The following TMPRSS11F variants were observed in gnomAD, a reference collection of about 807,000 sequenced individuals.
TMPRSS11F encodes the protein transmembrane serine protease 11F.
Under a neutral mutation model 60.2 loss-of-function variants are expected in TMPRSS11F, and 47 were observed. The observed-to-expected ratio is 0.78, with a 90% CI of 0.62 to 1.00. The LOEUF is 1.00. TMPRSS11F is among the 50% of genes least tolerant of loss of function. The probability of loss-of-function intolerance (pLI) is 0.00; values close to 1 mark genes in which losing one functional copy is unlikely to be tolerated. For missense variants in TMPRSS11F, 519 were observed against 522.9 expected (o/e 0.99, Z 0.07); for synonymous variants, 166 against 167.3 (o/e 0.99, Z 0.06).
chr4:68,125,664 C>T (rs1490857501), intron 1 of TMPRSS11F, among the ~76,000 whole-genome samples: 1 of 152,112 alleles, frequency 6.6e-6, no homozygotes, highest in Non-Finnish European at 1.5e-5. Context: ...TCATTCACTA[C>T]CCTAACACAC....
chr4:68,083,799 C>T (rs1037130123), intron 3 of TMPRSS11F, among the ~76,000 whole-genome samples: 2 of 152,160 alleles, frequency 1.3e-5, no homozygotes, highest in Admixed American at 1.3e-4. Flanking sequence ...TGCAAACAAT[C>T]ACCCTACCTC....
chr4:68,062,518 A>G (rs775881917), intron 8 of TMPRSS11F: 1 of 734,850 alleles, frequency 1.4e-6, no homozygotes, highest in South Asian at 1.4e-5. Context: ...GCTGCATTGG[A>G]TGGTAACTGT....
intron 2 of TMPRSS11F, among the ~76,000 whole-genome samples, chr4:68,092,721 CAA>C (rs139902418): frequency 0.38 from 57,778 of 151,502 alleles, 12,787 homozygotes; most frequent in Non-Finnish European, 0.52. Flanking sequence ...AGTTTTATTA[CAA>C]AAAAAAGATT....
chr4:68,109,289 T>G (rs1297945370), intron 1 of TMPRSS11F, among the ~76,000 whole-genome samples: 1 of 152,034 alleles, frequency 6.6e-6, no homozygotes, highest in Non-Finnish European at 1.5e-5. Context: ...CGGCCGGTAC[T>G]CCAGTAACAG....
intron 2 of TMPRSS11F, 133 bp downstream of exon 2, chr4:68,098,754 T>A (rs557093096): frequency 4.8e-6 from 4 of 833,262 alleles, no homozygotes; most frequent in Non-Finnish European, 7.2e-6. Context: ...AAGCAAACTA[T>A]AATTTAACAT....
At chr4:68,116,949 T>C (rs1724532120) in intron 1 of TMPRSS11F, among the ~76,000 whole-genome samples, 1 of 152,100 alleles carries the variant, frequency 6.6e-6, no homozygotes, top group African/African-American at 2.4e-5. Flanking sequence ...TTATTGGATA[T>C]GACATGACAC....
intron 3 of TMPRSS11F, among the ~76,000 whole-genome samples, chr4:68,088,470 A>G (rs1285854083): frequency 2.6e-5 from 4 of 151,530 alleles, no homozygotes; most frequent in African/African-American, 7.3e-5. Context: ...CACTGTCAAC[A>G]TTAGACAGAT....
chr4:68,064,609 G>C (rs1723281243), intron 8 of TMPRSS11F, 76 bp downstream of exon 8: 1 of 1,478,930 alleles, frequency 6.8e-7, no homozygotes, highest in South Asian at 1.3e-5. Context: ...AAGCTTAAGA[G>C]GGATTCTTTA....
chr4:68,124,040 G>A (rs4421039), intron 1 of TMPRSS11F, among the ~76,000 whole-genome samples: 248 of 152,084 alleles, frequency 1.6e-3, no homozygotes, highest in Middle Eastern at 3.4e-3. Flanking sequence ...GGCCAATATG[G>A]CGAAACCCCA....
chr4:68,109,851 T>C (rs1323131571), intron 1 of TMPRSS11F, among the ~76,000 whole-genome samples: 1 of 152,164 alleles, frequency 6.6e-6, no homozygotes, highest in Non-Finnish European at 1.5e-5. Context: ...GTTGGTGAAG[T>C]GAATTCATGA....
At chr4:68,093,468 C>A (rs2109867098) in intron 2 of TMPRSS11F, among the ~76,000 whole-genome samples, 1 of 152,266 alleles carries the variant, frequency 6.6e-6, no homozygotes, top group East Asian at 1.9e-4. Flanking sequence ...TAGCCATTAT[C>A]ATTCAGGACA....
At chr4:68,067,764 G>A (rs1421808644) in intron 7 of TMPRSS11F, among the ~76,000 whole-genome samples, 1 of 152,186 alleles carries the variant, frequency 6.6e-6, no homozygotes, top group Non-Finnish European at 1.5e-5. Flanking sequence ...ACCCTTAGAA[G>A]GATGATAAAG....
At chr4:68,116,894 G>T (rs1373935731) in intron 1 of TMPRSS11F, among the ~76,000 whole-genome samples, 3 of 152,034 alleles carry the variant, frequency 2.0e-5, no homozygotes, top group Non-Finnish European at 4.4e-5. Flanking sequence ...ACTCTTAGAA[G>T]AAAACATAGG....
chr4:68,098,767 G>C, intron 2 of TMPRSS11F, 120 bp downstream of exon 2: 1 of 951,388 alleles, frequency 1.1e-6, no homozygotes. Flanking sequence ...TTTAACATCA[G>C]TAAAAGACTG....
chr4:68,098,914 C>A lies in TMPRSS11F; in HGVS notation c.136G>T (p.Gly46Cys). The change falls in exon 2 of 10, where the codon GGT (glycine) becomes TGT (cysteine). Residue 46 changes from glycine to cysteine, a missense_variant. Transcript: ENST00000356291. ...TCAACAACAAAATGAGTAACAATAC[C>A]AATTGCAATTCCTATGATTGCTACA... ...AIVAIIGIAIGIVTHFVVEDD... is the reference protein window; with the variant it reads ...AIVAIIGIAICIVTHFVVEDD... The A allele has an allele frequency of 6.2e-7, 1 of 1,611,730 alleles. No homozygotes were observed. The highest frequency in any genetic ancestry group is 1.1e-5 in the South Asian group (1 of 90,712).
intron 3 of TMPRSS11F, among the ~76,000 whole-genome samples, chr4:68,075,365 G>A (rs1723562110): frequency 6.6e-6 from 1 of 152,056 alleles, no homozygotes. Context: ...CTGCAACCAG[G>A]ATGATATCTT....
chr4:68,097,255 G>T (rs1329059193), intron 2 of TMPRSS11F, among the ~76,000 whole-genome samples: 6 of 152,186 alleles, frequency 3.9e-5, no homozygotes, highest in Admixed American at 2.6e-4. Flanking sequence ...AGTTCTGGAG[G>T]TCATATATAT....
intron 2 of TMPRSS11F, among the ~76,000 whole-genome samples, chr4:68,094,377 C>T (rs1274325057): frequency 8.0e-6 from 1 of 124,334 alleles, no homozygotes; most frequent in Non-Finnish European, 1.6e-5. Context: ...AGAAGGGGAA[C>T]ATCACACTCT....
intron 1 of TMPRSS11F, among the ~76,000 whole-genome samples, chr4:68,128,169 T>C (rs748268693): frequency 1.3e-5 from 2 of 152,120 alleles, no homozygotes; most frequent in Non-Finnish European, 2.9e-5. Flanking sequence ...TTGGGCAAAA[T>C]ACCTTTACTA....
Sources: gnomAD v4.1 joint callset for allele counts (sites outside exome capture counted in the v4.1 genomes callset) on GRCh38, gnomAD v4.1.1 for gene constraint, MANE v1.5 for transcripts, NCBI Gene and HGNC (gene_info 2026-07-23, HGNC 2026-07-21) for gene names.